ADGRG1: variants seen among roughly 807,000 people sequenced by gnomAD.
The protein encoded by ADGRG1 is adhesion G protein-coupled receptor G1, also known as 7-transmembrane protein with no EGF-like N-terminal domains-1.
ADGRG1 carries 53 observed loss-of-function variants against 73.5 expected under a neutral mutation model. The observed-to-expected ratio is 0.72, with a 90% CI of 0.58 to 0.91. The LOEUF (loss-of-function observed/expected upper bound fraction) is 0.91. Ranked by LOEUF, ADGRG1 falls within the 40% of genes least tolerant of loss-of-function variation. The probability of loss-of-function intolerance (pLI) is 0.00; values close to 1 mark genes in which losing one functional copy is unlikely to be tolerated. For synonymous variants in ADGRG1, 394 were observed against 374.4 expected (o/e 1.05, Z -0.60); for missense variants, 795 against 871.8 (o/e 0.91, Z 1.11).
Position 57,655,902 on chromosome 16 carries a change from T to C in ADGRG1, c.927T>C (p.Gly309=). 6.2e-7 allele frequency: 1 copy of C among 1,613,974 alleles called. No homozygotes were observed. Among genetic ancestry groups the C allele is most frequent in the Non-Finnish European group, 8.5e-7 (1 of 1,179,928 alleles). ...ACAAGAATTCCAGCCAAGTCCTGGGTGAGAAGGTCTTGGGGATTGTGGTAC... is the reference window on the plus strand; with the variant it reads ...ACAAGAATTCCAGCCAAGTCCTGGGCGAGAAGGTCTTGGGGATTGTGGTAC... The part of the protein sequence containing the change: ...FQDKNSSQVL[G]EKVLGIVVQN... Residue 309 remains glycine, a synonymous_variant, in exon 7 of 14, where the codon GGT becomes GGC. Transcript: ENST00000562631.
intron 2 of ADGRG1, 194 bp from the exon 3 acceptor site, chr16:57,651,006 C>A (rs2059403963): frequency 4.1e-6 from 4 of 982,504 alleles, no homozygotes; most frequent in Non-Finnish European, 4.8e-6. Flanking sequence ...CCGCGCCCGG[C>A]CTCAGTTTCC....
intron 3 of ADGRG1, chr16:57,652,242 C>A: frequency 3.2e-6 from 2 of 632,480 alleles, no homozygotes; most frequent in Non-Finnish European, 4.0e-6. Flanking sequence ...CATGTGGCCA[C>A]TGCCATTCAG....
chr16:57,620,064 C>T (rs1222542076), upstream of ADGRG1: 1 of 152,308 alleles, frequency 6.6e-6, no homozygotes, highest in Non-Finnish European at 1.5e-5. Context: ...TGCCTGTGGC[C>T]CTGGGAGGAG....
rs771696264 is a variant in ADGRG1 at position 57,660,188 on chromosome 16, A to G, written c.1555+507A>G. The G allele has an allele frequency of 2.5e-5, 23 of 924,768 alleles. No individual in the cohort carries two copies. The Admixed American group carries it at 3.7e-4, about 15-fold the overall frequency. 57.3% of individuals were successfully genotyped at this position (924,768 alleles called of 1,614,324 possible). A position where few individuals can be genotyped will look rare whatever the true frequency, so the allele number is the denominator to read the frequency against. ...CAGCCCAGGGGCTCATGATGCCACA[A>G]GTCTGTTTGGACATTGCACAGACCC... On this transcript the variant is annotated intron_variant, in intron 11 of 13. Transcript: ENST00000562631.
At chr16:57,663,312 C>T (rs2148653078) in intron 13 of ADGRG1, 140 bp from the exon 14 acceptor site, 3 of 1,527,446 alleles carry the variant, frequency 2.0e-6, no homozygotes, top group East Asian at 2.4e-5. Flanking sequence ...CTCGCTGGGT[C>T]TCATGGGTGC....
intron 1 of ADGRG1, chr16:57,641,681 T>C: frequency 2.8e-6 from 1 of 361,814 alleles, no homozygotes. Context: ...TTCTCATGCC[T>C]CAGCCTCCCG....
At chr16:57,645,635 C>T (rs752368285) in intron 1 of ADGRG1, among the ~76,000 whole-genome samples, 9 of 152,202 alleles carry the variant, frequency 5.9e-5, no homozygotes, top group Non-Finnish European at 1.3e-4. Context: ...GTTCATAAGC[C>T]CGTGGTTCCC....
In ADGRG1 at chr16:57,655,116, C is replaced by T. The variant is rs7202126; in HGVS notation, c.769-283C>T. 0.55 allele frequency: 545,985 copies of T among 984,466 alleles called. 152,472 individuals are homozygous for T. The highest frequency in any genetic ancestry group is 0.62 in the African/African-American group (35,547 of 57,224). 61.0% of individuals were successfully genotyped at this position (984,466 alleles called of 1,614,324 possible). A position where few individuals can be genotyped will look rare whatever the true frequency, so the allele number is the denominator to read the frequency against. On this transcript the variant is annotated intron_variant, in intron 5 of 13. Coordinates refer to ENST00000562631, the MANE Select transcript of ADGRG1 (RefSeq NM_201525.4). ...CCACCCCCAAGTTGGCTGCTGTAGG[C>T]AGAGCTGGCATCTGAAGCCCCAGAC...
intron 1 of ADGRG1, chr16:57,643,926 C>T: frequency 1.0e-6 from 1 of 982,962 alleles, no homozygotes; most frequent in African/African-American, 1.7e-5. Flanking sequence ...GGGGCGTAGC[C>T]CTGAGTGCCA....
chr16:57,649,587 C>G (rs2043516347), intron 1 of ADGRG1, among the ~76,000 whole-genome samples: 1 of 152,080 alleles, frequency 6.6e-6, no homozygotes, highest in Non-Finnish European at 1.5e-5. Flanking sequence ...CCCTCCGGGC[C>G]TGGAGGGGCA....
chr16:57,652,993 T>G, intron 3 of ADGRG1: 1 of 1,428,118 alleles, frequency 7.0e-7, no homozygotes, highest in Non-Finnish European at 9.2e-7. Context: ...CTGGCATTGC[T>G]GGCGGGTTCT....
chr16:57,643,901 G>T (rs1258016904), intron 1 of ADGRG1: 1 of 693,534 alleles, frequency 1.4e-6, no homozygotes, highest in South Asian at 6.7e-5. Context: ...GGGGTGGGGG[G>T]ACTGGGCTGG....
intron 1 of ADGRG1, chr16:57,633,666 C>T (rs542016637): frequency 6.1e-4 from 139 of 226,278 alleles, no homozygotes; most frequent in African/African-American, 3.1e-3. Flanking sequence ...CTGGTAATGG[C>T]ATCCTGAGAG....
At chr16:57,627,205 T>A, upstream of ADGRG1, 3 of 462,492 alleles carry the variant, frequency 6.5e-6, no homozygotes, top group South Asian at 9.1e-5. Flanking sequence ...CCCTGGCTCC[T>A]AGGCTGCCCG....
At chr16:57,626,477 C>A (rs1325461890), upstream of ADGRG1, 2 of 440,246 alleles carry the variant, frequency 4.5e-6, no homozygotes, top group Non-Finnish European at 3.0e-6. Context: ...AGACTCAGAG[C>A]TGGGGGCCTG....
intron 1 of ADGRG1, chr16:57,635,444 A>C: frequency 1.0e-6 from 1 of 985,434 alleles, no homozygotes; most frequent in African/African-American, 1.7e-5. Flanking sequence ...CACCCTTGCC[A>C]GCCATGGTGG....
intron 1 of ADGRG1, chr16:57,635,111 C>T (rs768178775): frequency 1.8e-4 from 178 of 985,196 alleles, no homozygotes; most frequent in Non-Finnish European, 2.1e-4. Context: ...ACACCCACCT[C>T]CTGAATCTTC....
At chr16:57,628,918 G>C in intron 1 of ADGRG1, 116 bp downstream of exon 1, 2 of 722,300 alleles carry the variant, frequency 2.8e-6, no homozygotes, top group Non-Finnish European at 3.2e-6. Flanking sequence ...GTGTGTGAGA[G>C]TGAGTGTGAG....
At chr16:57,637,917 C>T (rs1252201222) in intron 1 of ADGRG1, among the ~76,000 whole-genome samples, 1 of 152,232 alleles carries the variant, frequency 6.6e-6, no homozygotes, top group Non-Finnish European at 1.5e-5. Context: ...AGCTGGTTGA[C>T]TGAGACCCCA....
Sources: gnomAD v4.1 joint callset for allele counts (sites outside exome capture counted in the v4.1 genomes callset) on GRCh38, gnomAD v4.1.1 for gene constraint, MANE v1.5 for transcripts, NCBI Gene and HGNC (gene_info 2026-07-23, HGNC 2026-07-21) for gene names.